ANOS1: variants seen among roughly 807,000 people sequenced by gnomAD.
The protein encoded by ANOS1 is anosmin 1.
ANOS1 carries 6 observed loss-of-function variants against 59.0 expected under a neutral mutation model. That is an observed-to-expected ratio of 0.10 (90% confidence interval 0.06 to 0.20). The LOEUF (loss-of-function observed/expected upper bound fraction) is 0.20. ANOS1 is among the 10% of genes least tolerant of loss of function. The probability of loss-of-function intolerance (pLI) is 1.00; values close to 1 mark genes in which losing one functional copy is unlikely to be tolerated. For missense variants in ANOS1, 433 were observed against 542.3 expected, an observed-to-expected ratio of 0.80 and a Z score of 2.00; for synonymous variants, 217 against 223.4, an observed-to-expected ratio of 0.97 and a Z score of 0.25.
At chrX:8,609,056 T>A (rs769026177) in intron 3 of ANOS1, among the ~76,000 whole-genome samples, 1 of 112,135 alleles carries the variant, frequency 8.9e-6, no homozygotes, top group African/African-American at 3.2e-5. Context: ...AAGTACAAAT[T>A]CCATAAGTTA....
chrX:8,659,562 CT>C (rs1289411102), intron 2 of ANOS1, among the ~76,000 whole-genome samples: 1 of 96,704 alleles, frequency 1.0e-5, no homozygotes, highest in African/African-American at 3.9e-5. Context: ...TCCTTCCTTC[CT>C]TCCTCCCTGC....
At chrX:8,569,266 C>T (rs1930175831) in intron 7 of ANOS1, among the ~76,000 whole-genome samples, 1 of 112,379 alleles carries the variant, frequency 8.9e-6, no homozygotes. Context: ...GCTCTTCCAG[C>T]TCATGCAATA....
intron 6 of ANOS1, among the ~76,000 whole-genome samples, chrX:8,573,230 A>AT (rs1930264138): frequency 9.2e-6 from 1 of 109,230 alleles, no homozygotes; most frequent in Non-Finnish European, 1.9e-5. Flanking sequence ...TGCCTGGCTA[A>AT]TTTTTGTATT....
intron 2 of ANOS1, among the ~76,000 whole-genome samples, chrX:8,626,151 A>C (rs992043921): frequency 4.7e-5 from 5 of 106,759 alleles, no homozygotes; most frequent in African/African-American, 1.4e-4. Context: ...CTGCCACCAA[A>C]TTTGATGTTT....
At chrX:8,696,679 C>A (rs1932689180) in intron 2 of ANOS1, among the ~76,000 whole-genome samples, 1 of 112,750 alleles carries the variant, frequency 8.9e-6, no homozygotes, top group Admixed American at 9.4e-5. Flanking sequence ...TCAATCTCAG[C>A]ATTACTAATA....
chrX:8,712,011 T>C (rs931856547), intron 1 of ANOS1, among the ~76,000 whole-genome samples: 1 of 112,600 alleles, frequency 8.9e-6, no homozygotes, highest in African/African-American at 3.2e-5. Context: ...CACATTGAAA[T>C]ATATGACTTT....
chrX:8,628,014 TAGTTGCACA>T (rs1931424936), intron 2 of ANOS1, among the ~76,000 whole-genome samples: 1 of 111,214 alleles, frequency 9.0e-6, no homozygotes, highest in Non-Finnish European at 1.9e-5. Flanking sequence ...TTGGCAGGAC[TAGTTGCACA>T]AGATACAGGT....
Position 8,615,566 on chromosome X carries a change from A to G in ANOS1, c.318+8042T>C, listed in dbSNP as rs191556435. Among the ~76,000 whole-genome samples, 6 of 109,631 alleles carry G rather than the reference A, an allele frequency of 5.5e-5. No individual in the cohort carries two copies. The East Asian group carries it at 1.4e-3, about 26-fold the overall frequency. On this transcript the variant is annotated intron_variant, in intron 3 of 13. Coordinates refer to ENST00000262648, the MANE Select transcript of ANOS1 (RefSeq NM_000216.4). ...TCAAAAAAAAAAAAAAAAAGAAAAG[A>G]AAAGAAAAGAAAATTGTCTATGTGT...
At chrX:8,569,386 T>C (rs1330789530) in intron 7 of ANOS1, among the ~76,000 whole-genome samples, 1 of 112,635 alleles carries the variant, frequency 8.9e-6, no homozygotes, top group Non-Finnish European at 1.9e-5. Flanking sequence ...CTCACGCCTG[T>C]AATCCCAGCA....
chrX:8,629,241 C>CA (rs1396303174), intron 2 of ANOS1, among the ~76,000 whole-genome samples: 5 of 108,884 alleles, frequency 4.6e-5, no homozygotes, highest in African/African-American at 1.7e-4. Flanking sequence ...GACTCTGTCT[C>CA]AAAAAAGAAA....
chrX:8,626,669 C>G (rs919757579), intron 2 of ANOS1, among the ~76,000 whole-genome samples: 6 of 109,828 alleles, frequency 5.5e-5, no homozygotes, highest in African/African-American at 2.0e-4. Context: ...ACCATTCTGG[C>G]TAACACAGTG....
rs757532758 is a variant in ANOS1, at chrX:8,682,354, C to CCACACACACACACACACACACACA, written c.255+17320_255+17343dup. Reference sequence around the variant, plus strand: ...CTTTTTTCGGAAAACGAGAATTTCACCACACACACACACACACACACACAT... The same window carrying CCACACACACACACACACACACACA: ...CTTTTTTCGGAAAACGAGAATTTCACCACACACACACACACACACACACACACACACACACACACACACACACAT... On this transcript the variant is annotated intron_variant, in intron 2 of 13. Coordinates refer to ENST00000262648, the MANE Select transcript of ANOS1 (RefSeq NM_000216.4). 2.2e-3 allele frequency among the ~76,000 whole-genome samples: 221 copies of CCACACACACACACACACACACACA among 101,603 alleles called. 1 individual carries two copies. Among genetic ancestry groups the CCACACACACACACACACACACACA allele is most frequent in the African/African-American group, 7.7e-3 (210 of 27,295 alleles). The allele number at this position is 101,603 out of a possible 115,157, so 88.2% of individuals were successfully genotyped here.
At chrX:8,558,251 C>A (rs1165489632) in intron 8 of ANOS1, among the ~76,000 whole-genome samples, 1 of 111,082 alleles carries the variant, frequency 9.0e-6, no homozygotes, top group Admixed American at 9.6e-5. Context: ...AGCACACCAC[C>A]ATGGCACATG....
chrX:8,687,593 AACACACACAC>A (rs58384646), intron 2 of ANOS1, among the ~76,000 whole-genome samples: 9 of 95,657 alleles, frequency 9.4e-5, no homozygotes, highest in Admixed American at 3.5e-4. Flanking sequence ...TAATCCAGTA[AACACACACAC>A]ACACACACAC....
intron 1 of ANOS1, among the ~76,000 whole-genome samples, chrX:8,704,735 T>C (rs929770390): frequency 2.7e-5 from 3 of 111,944 alleles, no homozygotes; most frequent in Non-Finnish European, 5.6e-5. Flanking sequence ...AAAAAGATAA[T>C]CCTTGTAAAG....
At chrX:8,551,951 C>A (rs147782345) in intron 9 of ANOS1, among the ~76,000 whole-genome samples, 5,959 of 112,117 alleles carry the variant, frequency 0.053, 382 homozygotes, top group African/African-American at 0.18. Context: ...CCAGACTGGG[C>A]GACAGATCAA....
chrX:8,598,458 G>A (rs1930782447), intron 3 of ANOS1, among the ~76,000 whole-genome samples: 2 of 112,025 alleles, frequency 1.8e-5, no homozygotes, highest in African/African-American at 3.2e-5. Flanking sequence ...ACTGAACAGA[G>A]GAGTTGCTGA....
intron 4 of ANOS1, among the ~76,000 whole-genome samples, chrX:8,594,170 A>G (rs960789859): frequency 9.0e-6 from 1 of 110,878 alleles, no homozygotes; most frequent in African/African-American, 3.3e-5. Flanking sequence ...ATCTCAACCC[A>G]CCATGACTCC....
chrX:8,599,403 CA>C (rs748771482), intron 3 of ANOS1, among the ~76,000 whole-genome samples: 2 of 111,602 alleles, frequency 1.8e-5, no homozygotes, highest in Non-Finnish European at 3.8e-5. Context: ...TGATGCTCCA[CA>C]GTGATCCCTA....
Sources: allele counts gnomAD v4.1 joint callset (sites outside exome capture counted in the v4.1 genomes callset), GRCh38; gene constraint gnomAD v4.1.1; transcripts MANE v1.5; gene names NCBI Gene and HGNC (gene_info 2026-07-23, HGNC 2026-07-21).